PLD2: variants seen among roughly 807,000 people sequenced by gnomAD.
PLD2 encodes choline phosphatase 2.
A neutral mutation model predicts 119.8 loss-of-function variants in PLD2; 101 were observed. That is an observed-to-expected ratio of 0.84 (90% CI 0.72 to 0.99). The LOEUF (loss-of-function observed/expected upper bound fraction) is 0.99, where lower values mean the gene tolerates loss of function less well. Ranked by LOEUF, PLD2 falls within the 50% of genes least tolerant of loss-of-function variation. PLD2 has a pLI of 0.00. For synonymous variants in PLD2, 494 were observed against 482.8 expected (o/e 1.02, Z -0.30); for missense variants, 1,164 against 1,226.8 (o/e 0.95, Z 0.76).
chr17:4,822,731 C>A lies in PLD2; in HGVS notation c.2669C>A (p.Pro890His), dbSNP rs201183579. Residue 890 changes from proline to histidine, a missense_variant, in exon 25 of 25, where the codon CCC (proline) becomes CAC (histidine). Transcript: ENST00000263088. ...AVEPLATVSP[P>H]LARSELTQVQ... is the part of the protein sequence containing the mutation. ...GAGCCCTTGGCCACGGTCAGTCCCC[C>A]CTTGGCTCGGTCTGAGCTCACCCAG... 5.6e-5 allele frequency: 90 copies of A among 1,613,926 alleles called. No homozygotes were observed. Among genetic ancestry groups the A allele is most frequent in the Non-Finnish European group, 7.6e-5 (90 of 1,179,900 alleles).
chr17:4,818,982 A>G, intron 21 of PLD2, 102 bp from the exon 22 acceptor site: 2 of 1,537,468 alleles, frequency 1.3e-6, no homozygotes, highest in Middle Eastern at 1.8e-4. Flanking sequence ...AAGGAGAGAG[A>G]CCAGACTCTA....
At chr17:4,814,522 A>T (rs774345193) in intron 11 of PLD2, 21 bp downstream of exon 11, 1 of 1,612,848 alleles carries the variant, frequency 6.2e-7, no homozygotes, top group East Asian at 2.2e-5. Context: ...AAAGGCCCCA[A>T]CAACATGGGG....
intron 12 of PLD2, among the ~76,000 whole-genome samples, chr17:4,814,968 G>GTAGACT (rs1338173509): frequency 6.6e-6 from 1 of 152,120 alleles, no homozygotes; most frequent in Non-Finnish European, 1.5e-5. Flanking sequence ...TGTGTTATCT[G>GTAGACT]GGGGTATACA....
chr17:4,808,927 C>A lies in PLD2; in HGVS notation c.384-173C>A, dbSNP rs1379354767. ...CAGGCTGGTCTTAAATTCCTGAGCTCAAGTGATCCACCTGCTGCGGCCTCC... is the reference window on the plus strand; with the variant it reads ...CAGGCTGGTCTTAAATTCCTGAGCTAAAGTGATCCACCTGCTGCGGCCTCC... On this transcript the variant is annotated intron_variant, in intron 4 of 24. Coordinates refer to ENST00000263088, the MANE Select transcript of PLD2 (RefSeq NM_002663.5). This position sits in a 1 kb window ranked among gnomAD's most constrained non-coding sequence, Gnocchi z 4.1. Among the ~76,000 whole-genome samples the A allele has an allele frequency of 6.6e-6, 1 of 152,058 alleles. No homozygotes were observed. The highest frequency in any genetic ancestry group is 1.5e-5 in the Non-Finnish European group (1 of 68,008).
intron 13 of PLD2, 52 bp downstream of exon 13, chr17:4,815,638 T>C: frequency 1.3e-6 from 2 of 1,580,574 alleles, no homozygotes; most frequent in South Asian, 1.1e-5. Flanking sequence ...CTCCCCACAC[T>C]GTCCCAGCCC....
intron 15 of PLD2, 28 bp downstream of exon 15, chr17:4,816,774 A>G (rs1907018421): frequency 6.2e-7 from 1 of 1,613,978 alleles, no homozygotes; most frequent in African/African-American, 1.3e-5. Flanking sequence ...CCAAAGCCCC[A>G]GAGAGCTGAG....
chr17:4,820,468 G>C (rs1247156879), intron 23 of PLD2, among the ~76,000 whole-genome samples: 1 of 147,544 alleles, frequency 6.8e-6, no homozygotes, highest in Non-Finnish European at 1.5e-5. Flanking sequence ...GGGTTTCGCT[G>C]TGTTGGCCAG....
Position 4,808,409 on chromosome 17 carries a change from C to G in PLD2, c.376C>G (p.Leu126Val), listed in dbSNP as rs1316895002. ...RHKVLMSLLP[L>V]ARFAVAYSPA... ...CAAAGTCTTGATGAGTCTGCTCCCTCTGGCTCGGTGAGGGCGACCGGACTG... is the reference window on the plus strand; with the variant it reads ...CAAAGTCTTGATGAGTCTGCTCCCTGTGGCTCGGTGAGGGCGACCGGACTG... The change falls in exon 4 of 25, where the codon CTG becomes GTG. Residue 126 changes from leucine to valine, a missense_variant. Leu to Val is a conservative substitution (Grantham distance 32). Coordinates refer to ENST00000263088, the MANE Select transcript of PLD2 (RefSeq NM_002663.5). The surrounding 1 kb of genome is among the most constrained non-coding windows in gnomAD (Gnocchi z 4.1). 1 of 1,613,848 alleles carries G rather than the reference C, an allele frequency of 6.2e-7. No homozygotes were observed. The highest frequency in any genetic ancestry group is 2.2e-5 in the East Asian group (1 of 44,874).
At chr17:4,816,599 T>C in intron 14 of PLD2, 21 bp from the exon 15 acceptor site, 1 of 1,612,944 alleles carries the variant, frequency 6.2e-7, no homozygotes, top group Non-Finnish European at 8.5e-7. Context: ...TGCCCCTGGC[T>C]TGGGTGTGTT....
intron 15 of PLD2, 25 bp downstream of exon 15, chr17:4,816,771 C>G (rs1907017655): frequency 6.2e-7 from 1 of 1,614,034 alleles, no homozygotes; most frequent in Admixed American, 1.7e-5. Context: ...CCGCCAAAGC[C>G]CCAGAGAGCT....
chr17:4,811,075 C>T (rs927499335), intron 10 of PLD2, 124 bp downstream of exon 10: 50 of 860,816 alleles, frequency 5.8e-5, no homozygotes, highest in South Asian at 4.1e-4. Flanking sequence ...CGCCCCGTGA[C>T]TTCTTTAATC....
intron 6 of PLD2, 35 bp downstream of exon 6, chr17:4,809,398 G>A (rs1044926407): frequency 6.2e-7 from 1 of 1,613,196 alleles, no homozygotes; most frequent in Non-Finnish European, 8.5e-7. Context: ...ATGTGGAGCA[G>A]GATTATCAGA....
chr17:4,818,271 ATGTC>A (rs753051919), intron 18 of PLD2, 22 bp from the exon 19 acceptor site: 79 of 1,597,112 alleles, frequency 4.9e-5, no homozygotes, highest in Non-Finnish European at 6.7e-5. Flanking sequence ...CAGGCTGCTG[ATGTC>A]TGTCTCTGAT....
At chr17:4,814,807 C>G in intron 12 of PLD2, 96 bp downstream of exon 12, 1 of 1,086,296 alleles carries the variant, frequency 9.2e-7, no homozygotes, top group East Asian at 2.5e-5. Context: ...CAGTCTGAGG[C>G]TTCAGGGGAG....
chr17:4,822,946 G>A lies in PLD2; in HGVS notation c.*82G>A. The A allele has an allele frequency of 1.3e-6, 1 of 753,558 alleles. No individual in the cohort carries two copies. The highest frequency in any genetic ancestry group is 2.2e-6 in the Non-Finnish European group (1 of 448,220). 46.7% of individuals were successfully genotyped at this position (753,558 alleles called of 1,614,324 possible). ...CCTGCCCCTTAACCCCAAGGACTGAGGGCAGTGCCCTTTGAGATCTGGGGA... is the reference window on the plus strand; with the variant it reads ...CCTGCCCCTTAACCCCAAGGACTGAAGGCAGTGCCCTTTGAGATCTGGGGA... On this transcript the variant is annotated 3_prime_UTR_variant, in exon 25 of 25. Transcript: ENST00000263088.
Position 4,808,571 on chromosome 17 carries a change from C to T in PLD2, c.383+155C>T. The T allele has an allele frequency of 1.4e-6, 1 of 703,170 alleles. No homozygotes were observed. The highest frequency in any genetic ancestry group is 2.4e-6 in the Non-Finnish European group (1 of 413,914). The allele number at this position is 703,170 out of a possible 1,614,324, so 43.6% of individuals were successfully genotyped here. A position where few individuals can be genotyped will look rare whatever the true frequency, so the allele number is the denominator to read the frequency against. On this transcript the variant is annotated intron_variant, in intron 4 of 24. Transcript: ENST00000263088. The surrounding 1 kb of genome is among the most constrained non-coding windows in gnomAD (Gnocchi z 4.1). ...TTACCAGGAAACTTTCCCTGCTCAGCTTTCCCTGTCCATGGTTCTGTGCCA... is the reference window on the plus strand; with the variant it reads ...TTACCAGGAAACTTTCCCTGCTCAGTTTTCCCTGTCCATGGTTCTGTGCCA...
intron 19 of PLD2, 50 bp from the exon 20 acceptor site, chr17:4,818,444 G>C (rs778608642): frequency 2.6e-5 from 41 of 1,604,190 alleles, no homozygotes; most frequent in Non-Finnish European, 3.2e-5. Flanking sequence ...CGGTTGAAGG[G>C]GGTGGGGTTT....
In PLD2 at chr17:4,809,352, T is replaced by G. The variant is rs1178448240; in HGVS notation, c.544T>G (p.Tyr182Asp). 3 of 1,613,832 alleles carry G rather than the reference T, an allele frequency of 1.9e-6. No individual in the cohort carries two copies. The African/African-American group carries it at 4.0e-5, about 22-fold the overall frequency. ...RLLTMSFYRN[Y>D]HAMTEFLEVS... is the part of the protein sequence containing the mutation. ...CTTGACCATGTCTTTCTATCGCAACTACCATGCCATGGTAAGGTCCAGGGG... is the reference window on the plus strand; with the variant it reads ...CTTGACCATGTCTTTCTATCGCAACGACCATGCCATGGTAAGGTCCAGGGG... Residue 182 changes from tyrosine to aspartate, a missense_variant, in exon 6 of 25, where the codon TAC (tyrosine) becomes GAC (aspartate). Tyr to Asp is a radical substitution (Grantham distance 160). Coordinates refer to ENST00000263088, the MANE Select transcript of PLD2 (RefSeq NM_002663.5).
In PLD2 at chr17:4,810,985, T is replaced by G. The variant is rs765236534; in HGVS notation, c.1010+34T>G. On this transcript the variant is annotated intron_variant, in intron 10 of 24. Transcript: ENST00000263088. ...CTGACATCCCTTCTGAGCTTGTCTG[T>G]GGCTTTCTTGACCCCCTGTGTAATC... 2.5e-6 allele frequency: 4 copies of G among 1,580,132 alleles called. No individual in the cohort carries two copies. The East Asian group carries it at 9.0e-5, about 36-fold the overall frequency.
Sources: gnomAD v4.1 joint callset for allele counts (sites outside exome capture counted in the v4.1 genomes callset) on GRCh38, gnomAD v4.1.1 for gene constraint, Gnocchi (gnomAD v3.1) non-coding constraint, MANE v1.5 for transcripts, NCBI Gene and HGNC (gene_info 2026-07-23, HGNC 2026-07-21) for gene names.